The following FUT8 variants were observed in gnomAD, a reference collection of about 807,000 sequenced individuals.
The protein encoded by FUT8 is fucosyltransferase 8, also known as alpha-(1,6)-fucosyltransferase.
FUT8 carries 29 observed loss-of-function variants against 71.3 expected under a neutral mutation model. That is an observed-to-expected ratio of 0.41 (90% CI 0.30 to 0.55). The LOEUF is 0.55. Among genes scored for constraint, FUT8 ranks in the 20% least tolerant of loss-of-function variants. The probability of loss-of-function intolerance (pLI) is 0.34; values close to 1 mark genes in which losing one functional copy is unlikely to be tolerated. For synonymous variants in FUT8, 254 were observed against 239.3 expected (o/e 1.06, Z -0.57); for missense variants, 544 against 702.1 (o/e 0.77, Z 2.55).
At chr14:65,406,136 T>A (rs1309743591), upstream of FUT8, among the ~76,000 whole-genome samples, 2 of 152,266 alleles carry the variant, frequency 1.3e-5, no homozygotes, top group African/African-American at 4.8e-5. Context: ...ACAGGATCTA[T>A]CCTAATGCAT....
chr14:65,438,444 C>T (rs2065593540), intron 1 of FUT8, among the ~76,000 whole-genome samples: 1 of 152,106 alleles, frequency 6.6e-6, no homozygotes, highest in Admixed American at 6.6e-5. Context: ...TTTGGTATTT[C>T]CCAGAAGTCT....
intron 3 of FUT8, among the ~76,000 whole-genome samples, chr14:65,572,145 G>T (rs1190548811): frequency 6.6e-6 from 1 of 152,136 alleles, no homozygotes; most frequent in African/African-American, 2.4e-5. Flanking sequence ...AAGGTCTCAT[G>T]TGGCACCCTA....
chr14:65,723,279 C>G (rs541247598), intron 8 of FUT8, among the ~76,000 whole-genome samples: 2 of 151,578 alleles, frequency 1.3e-5, no homozygotes, highest in Non-Finnish European at 2.9e-5. Context: ...GAACCATAAT[C>G]ACGCCACTGC....
intron 2 of FUT8, among the ~76,000 whole-genome samples, chr14:65,526,882 A>G (rs1338926697): frequency 3.3e-5 from 5 of 152,230 alleles, no homozygotes; most frequent in African/African-American, 1.2e-4. Flanking sequence ...AGAATTTTGA[A>G]TATTGGCCCC....
At chr14:65,573,025 A>T (rs997210136) in intron 3 of FUT8, among the ~76,000 whole-genome samples, 1 of 152,158 alleles carries the variant, frequency 6.6e-6, no homozygotes, top group African/African-American at 2.4e-5. Context: ...GTCTGTCCTG[A>T]TGGACTCTGA....
Position 65,489,217 on chromosome 14 carries a change from G to A in FUT8, c.-228+33499G>A, listed in dbSNP as rs1042173041. Among the ~76,000 whole-genome samples the A allele has an allele frequency of 6.6e-6, 1 of 151,980 alleles. No individual in the cohort carries two copies. The highest frequency in any genetic ancestry group is 1.5e-5 in the Non-Finnish European group (1 of 67,978). On this transcript the variant is annotated intron_variant, in intron 2 of 10. Coordinates refer to ENST00000673929, the MANE Select transcript of FUT8 (RefSeq NM_001371533.1). This position sits in a 1 kb window ranked among gnomAD's most constrained non-coding sequence, Gnocchi z 4.0. ...AGAACAGATTTATCTAACACTAAAC[G>A]GTCACTGGCAAGAACCTTTTCTTTG...
chr14:65,559,922 T>C (rs963318342), intron 2 of FUT8, among the ~76,000 whole-genome samples: 3 of 152,206 alleles, frequency 2.0e-5, no homozygotes, highest in African/African-American at 7.2e-5. Flanking sequence ...GGATTATTCC[T>C]TTTTAATTTG....
At chr14:65,410,915 A>T (rs921543077), upstream of FUT8, 1 of 152,198 alleles carries the variant, frequency 6.6e-6, no homozygotes, top group African/African-American at 2.4e-5. Context: ...TCTTAAAAAA[A>T]AAAAGTTACG....
chr14:65,601,224 T>C (rs1381769196), intron 3 of FUT8, among the ~76,000 whole-genome samples: 1 of 152,184 alleles, frequency 6.6e-6, no homozygotes, highest in African/African-American at 2.4e-5. Flanking sequence ...GTATAGTCAT[T>C]AGAAGCTGTT....
intron 3 of FUT8, among the ~76,000 whole-genome samples, chr14:65,562,918 C>T (rs1199819930): frequency 3.3e-5 from 5 of 152,040 alleles, no homozygotes; most frequent in African/African-American, 4.8e-5. Context: ...ATGGTGCTCT[C>T]ATTTTCTACT....
chr14:65,483,479 G>T lies in FUT8; in HGVS notation c.-228+27761G>T, dbSNP rs1394624935. Among the ~76,000 whole-genome samples, 1 of 152,176 alleles carries T rather than the reference G, an allele frequency of 6.6e-6. No homozygotes were observed. Among genetic ancestry groups the T allele is most frequent in the Non-Finnish European group, 1.5e-5 (1 of 68,026 alleles). On this transcript the variant is annotated intron_variant, in intron 2 of 10. Coordinates refer to ENST00000673929, the MANE Select transcript of FUT8 (RefSeq NM_001371533.1). This position sits in a 1 kb window ranked among gnomAD's most constrained non-coding sequence, Gnocchi z 4.4. ...CATTTCCATATGAATTTAAGAAACA[G>T]TATGTAAATATTTGATTGGAATTGC... is the stretch of plus-strand genomic sequence containing the variant.
intron 6 of FUT8, among the ~76,000 whole-genome samples, chr14:65,664,803 G>C (rs1010783304): frequency 5.9e-5 from 9 of 152,054 alleles, no homozygotes; most frequent in Non-Finnish European, 1.0e-4. Context: ...ATTGCCTCTT[G>C]CTATGTAGGA....
At position 65,666,903 on chromosome 14, in the gene FUT8, G is replaced by A. The variant is rs189039854; in HGVS notation, c.598-2340G>A. ...ATCCATAAATGTGATTCATCACATA[G>A]GCAGAACTAAAAACAAAAAAATTAT... On this transcript the variant is annotated intron_variant, in intron 6 of 10. Transcript: ENST00000673929. Among the ~76,000 whole-genome samples the A allele has an allele frequency of 2.8e-3, 432 of 152,104 alleles. 2 individuals are homozygous for A. Among genetic ancestry groups the A allele is most frequent in the African/African-American group, 9.9e-3 (411 of 41,522 alleles).
chr14:65,523,396 C>A (rs958649459), intron 2 of FUT8, among the ~76,000 whole-genome samples: 1 of 151,532 alleles, frequency 6.6e-6, no homozygotes, highest in Non-Finnish European at 1.5e-5. Flanking sequence ...CTATTCATAT[C>A]CTTCGCCCAT....
chr14:65,522,818 T>G (rs950690960), intron 2 of FUT8, among the ~76,000 whole-genome samples: 2 of 147,834 alleles, frequency 1.4e-5, no homozygotes, highest in Non-Finnish European at 1.5e-5. Flanking sequence ...TGAGAACATG[T>G]GGTATTTGGT....
intron 3 of FUT8, among the ~76,000 whole-genome samples, 175 bp downstream of exon 3, chr14:65,561,941 A>G (rs1188619339): frequency 6.6e-6 from 1 of 152,134 alleles, no homozygotes; most frequent in Non-Finnish European, 1.5e-5. Flanking sequence ...AGCTTGTCCA[A>G]CCCACAGCCC....
chr14:65,623,939 G>A (rs1327107526), intron 5 of FUT8, among the ~76,000 whole-genome samples: 1 of 152,038 alleles, frequency 6.6e-6, no homozygotes, highest in Admixed American at 6.5e-5. Flanking sequence ...CTGCTTTCTG[G>A]GACTCTTCTA....
chr14:65,395,468 C>T, the FUT8 span, among the ~76,000 whole-genome samples: 5 of 152,252 alleles, frequency 3.3e-5, no homozygotes, highest in Non-Finnish European at 5.9e-5. Flanking sequence ...GTTCCCAAAC[C>T]TCAATTCTTG....
chr14:65,606,449 AT>A (rs1356370380), intron 3 of FUT8, among the ~76,000 whole-genome samples: 1 of 151,844 alleles, frequency 6.6e-6, no homozygotes, highest in Non-Finnish European at 1.5e-5. Flanking sequence ...TTAAAAAAAA[AT>A]CTTATTTAAG....
Sources: allele counts gnomAD v4.1 joint callset (sites outside exome capture counted in the v4.1 genomes callset), GRCh38; gene constraint gnomAD v4.1.1; non-coding constraint Gnocchi (gnomAD v3.1); transcripts MANE v1.5; gene names NCBI Gene and HGNC (gene_info 2026-07-23, HGNC 2026-07-21).